The following PALS2 variants were observed in gnomAD, a reference collection of about 807,000 sequenced individuals.
The protein encoded by PALS2 is protein PALS2.
PALS2 carries 27 observed loss-of-function variants against 61.6 expected under a neutral mutation model. That is an observed-to-expected ratio of 0.44 (90% CI 0.32 to 0.60). The LOEUF is 0.60. Among genes scored for constraint, PALS2 ranks in the 20% least tolerant of loss-of-function variants. The pLI is 0.05. For synonymous variants in PALS2, 236 were observed against 218.6 expected (o/e 1.08, Z -0.70); for missense variants, 554 against 639.4 (o/e 0.87, Z 1.44).
At chr7:24,651,005 A>G (rs1786122046) in intron 5 of PALS2, among the ~76,000 whole-genome samples, 1 of 152,174 alleles carries the variant, frequency 6.6e-6, no homozygotes, top group East Asian at 1.9e-4. Context: ...TAATCTAGTA[A>G]ACATTTCTGA....
At chr7:24,614,125 G>A (rs1445853152) in intron 1 of PALS2, among the ~76,000 whole-genome samples, 2 of 151,754 alleles carry the variant, frequency 1.3e-5, no homozygotes, top group African/African-American at 4.8e-5. Context: ...ATTGCTGGAT[G>A]ATGTGGTAGT....
intron 2 of PALS2, among the ~76,000 whole-genome samples, chr7:24,641,124 C>G (rs927667679): frequency 2.0e-5 from 3 of 150,016 alleles, no homozygotes; most frequent in Admixed American, 6.6e-5. Context: ...CTTATAAAGA[C>G]AGATGATCAT....
intron 1 of PALS2, among the ~76,000 whole-genome samples, chr7:24,597,601 A>G (rs1783570381): frequency 2.0e-5 from 3 of 152,166 alleles, no homozygotes; most frequent in Admixed American, 1.3e-4. Context: ...CAAATGAAAA[A>G]ATATTGAAGT....
In PALS2 at chr7:24,668,566, A is replaced by G. The variant is rs757938554; in HGVS notation, c.1020A>G (p.Thr340=). 1.9e-6 allele frequency: 3 copies of G among 1,613,716 alleles called. No individual in the cohort carries two copies. The highest frequency in any genetic ancestry group is 2.5e-6 in the Non-Finnish European group (3 of 1,179,808). ...VAKMPPFQRK[T]LVLIGAQGVG... The stretch of plus-strand genomic sequence containing the variant: ...AAATGCCTCCCTTCCAGAGAAAAAC[A>G]TTAGTATTGATAGGAGCTCAAGGTG... Residue 340 remains threonine, a synonymous_variant, in exon 9 of 12, where the codon ACA becomes ACG. Transcript: ENST00000222644.
chr7:24,654,954 C>T (rs2128081352), intron 5 of PALS2, among the ~76,000 whole-genome samples: 1 of 152,240 alleles, frequency 6.6e-6, no homozygotes, highest in South Asian at 2.1e-4. Flanking sequence ...TGGGGGGAAC[C>T]TGGTTATTCT....
intron 1 of PALS2, among the ~76,000 whole-genome samples, chr7:24,578,443 A>G (rs1330028943): frequency 6.6e-6 from 1 of 152,194 alleles, no homozygotes; most frequent in East Asian, 1.9e-4. Flanking sequence ...AGTAATAGAA[A>G]TCCATTCTAG....
intron 11 of PALS2, among the ~76,000 whole-genome samples, chr7:24,682,965 G>T (rs1788011072): frequency 6.6e-6 from 1 of 152,046 alleles, no homozygotes. Context: ...TGGTTGGTTG[G>T]TTTTTGCAAG....
intron 1 of PALS2, among the ~76,000 whole-genome samples, chr7:24,578,716 T>A (rs1347899515): frequency 1.3e-5 from 2 of 152,320 alleles, no homozygotes; most frequent in East Asian, 3.9e-4. Context: ...ATAAACTATA[T>A]CTCATTATTA....
intron 1 of PALS2, among the ~76,000 whole-genome samples, chr7:24,579,481 A>G (rs1389374858): frequency 2.6e-5 from 4 of 152,240 alleles, no homozygotes; most frequent in Non-Finnish European, 5.9e-5. Context: ...GGCTAAAGTC[A>G]TAAACAAACT....
At chr7:24,577,206 G>T (rs1782672560) in intron 1 of PALS2, among the ~76,000 whole-genome samples, 1 of 150,444 alleles carries the variant, frequency 6.6e-6, no homozygotes, top group Non-Finnish European at 1.5e-5. Context: ...TTCATCCTAG[G>T]TTATTTTCCT....
intron 3 of PALS2, among the ~76,000 whole-genome samples, chr7:24,647,403 C>G (rs1785896304): frequency 6.6e-6 from 1 of 152,186 alleles, no homozygotes; most frequent in Admixed American, 6.5e-5. Flanking sequence ...CCCACCTCGG[C>G]CTCCCAAAGT....
intron 6 of PALS2, among the ~76,000 whole-genome samples, chr7:24,664,398 G>GC (rs1786906867): frequency 6.6e-6 from 1 of 152,024 alleles, no homozygotes; most frequent in African/African-American, 2.4e-5. Flanking sequence ...GTTTATGTTA[G>GC]CTAACAACCA....
At chr7:24,576,140 T>C (rs916039444) in intron 1 of PALS2, among the ~76,000 whole-genome samples, 5 of 152,234 alleles carry the variant, frequency 3.3e-5, no homozygotes, top group African/African-American at 1.2e-4. Context: ...AGTTTTGTTT[T>C]AACTGTAGGT....
chr7:24,629,104 C>T (rs956669903), intron 2 of PALS2, among the ~76,000 whole-genome samples: 2 of 152,138 alleles, frequency 1.3e-5, no homozygotes, highest in Non-Finnish European at 2.9e-5. Context: ...TACAAGGCTA[C>T]AGTAACTAAA....
rs1487987059 is a variant in PALS2 at position 24,687,562 on chromosome 7, TAGAG to T, written c.1573_1576del (p.Glu525AsnfsTer2). On this transcript the variant is annotated frameshift_variant, in exon 12 of 12. Coordinates refer to ENST00000222644, the MANE Select transcript of PALS2 (RefSeq NM_001303037.2). LOFTEE classifies it high-confidence loss of function. The surrounding 1 kb of genome is among the most constrained non-coding windows in gnomAD (Gnocchi z 4.5). ...GCCTTTGAAAAACTGCAAACTGCCA[TAGAG>T]AAACTGAGAATGGAACCACAGTGGG... The T allele has an allele frequency of 6.2e-7, 1 of 1,612,652 alleles. No individual in the cohort carries two copies. Among genetic ancestry groups the T allele is most frequent in the African/African-American group, 1.3e-5 (1 of 74,858 alleles).
intron 5 of PALS2, among the ~76,000 whole-genome samples, chr7:24,656,014 C>T (rs913031647): frequency 1.4e-4 from 21 of 152,030 alleles, no homozygotes; most frequent in Admixed American, 5.2e-4. Context: ...AGACCAAGTT[C>T]GTACACTGAA....
At chr7:24,672,415 G>T (rs1016589112) in intron 9 of PALS2, among the ~76,000 whole-genome samples, 1 of 151,774 alleles carries the variant, frequency 6.6e-6, no homozygotes. Flanking sequence ...ATTTTTAGTA[G>T]AGACTTGCTT....
At chr7:24,603,905 AC>A (rs2128048601) in intron 1 of PALS2, among the ~76,000 whole-genome samples, 1 of 152,318 alleles carries the variant, frequency 6.6e-6, no homozygotes, top group South Asian at 2.1e-4. Context: ...TCAACCCCAA[AC>A]TGCTAGACAT....
At chr7:24,669,543 C>T (rs1251867208) in intron 9 of PALS2, among the ~76,000 whole-genome samples, 1 of 152,144 alleles carries the variant, frequency 6.6e-6, no homozygotes, top group Admixed American at 6.6e-5. Context: ...TATTTCTGAC[C>T]AAGCCCCCTT....
Sources: gnomAD v4.1 joint callset for allele counts (sites outside exome capture counted in the v4.1 genomes callset) on GRCh38, gnomAD v4.1.1 for gene constraint, Gnocchi (gnomAD v3.1) non-coding constraint, MANE v1.5 for transcripts, NCBI Gene and HGNC (gene_info 2026-07-23, HGNC 2026-07-21) for gene names.